Variants in ETS1 observed in about 807,000 individuals in gnomAD.
ETS1 encodes ETS proto-oncogene 1, transcription factor, also known as protein C-ets-1.
Under a neutral mutation model 58.6 loss-of-function variants are expected in ETS1, and 15 were observed. That is an observed-to-expected ratio of 0.26 (90% CI 0.17 to 0.39). The LOEUF is 0.39. Ranked by LOEUF, ETS1 falls within the 10% of genes least tolerant of loss-of-function variation. ETS1 has a pLI of 1.00. For missense variants in ETS1, 417 were observed against 610.5 expected (o/e 0.68, Z 3.34); for synonymous variants, 214 against 218.2 (o/e 0.98, Z 0.17).
intron 3 of ETS1, among the ~76,000 whole-genome samples, chr11:128,527,633 A>G (rs1487724256): frequency 2.0e-5 from 3 of 152,224 alleles, no homozygotes; most frequent in African/African-American, 7.2e-5. Context: ...GCAATAGCAC[A>G]GATGGCAAGA....
chr11:128,544,340 AATATATATATATAT>A (rs10542616), intron 3 of ETS1, among the ~76,000 whole-genome samples: 10 of 117,088 alleles, frequency 8.5e-5, no homozygotes, highest in Non-Finnish European at 1.4e-4. Flanking sequence ...ATTGTTTACT[AATATATATATATAT>A]ATATATATAT....
intron 3 of ETS1, among the ~76,000 whole-genome samples, chr11:128,554,930 G>T (rs186730996): frequency 2.6e-5 from 4 of 152,132 alleles, no homozygotes; most frequent in Admixed American, 6.5e-5. Context: ...TAAGTCTGAC[G>T]TGTGAGCAGG....
In ETS1 at chr11:128,565,275, G is replaced by A. The variant is rs12420715; in HGVS notation, c.69+7787C>T. ...TCCCTTCCGCCACTGAGGACACAGC[G>A]TTCATCCCCTCTAGAGAATGCAGCA... On this transcript the variant is annotated intron_variant, in intron 2 of 9. Coordinates refer to ENST00000392668, the MANE Select transcript of ETS1 (RefSeq NM_001143820.2). 4.4e-3 allele frequency among the ~76,000 whole-genome samples: 677 copies of A among 152,268 alleles called. 3 individuals carry two copies. The highest frequency in any genetic ancestry group is 0.011 in the Admixed American group (175 of 15,304).
At chr11:128,511,609 G>C (rs1863394256) in intron 3 of ETS1, among the ~76,000 whole-genome samples, 1 of 152,200 alleles carries the variant, frequency 6.6e-6, no homozygotes, top group African/African-American at 2.4e-5. Flanking sequence ...AGCTATGTGG[G>C]ACTTGTTATA....
At chr11:128,527,877 A>T (rs2135527551) in intron 3 of ETS1, among the ~76,000 whole-genome samples, 1 of 152,330 alleles carries the variant, frequency 6.6e-6, no homozygotes, top group Middle Eastern at 3.4e-3. Flanking sequence ...CATTAAGACA[A>T]TTTCACTGTG....
intron 2 of ETS1, among the ~76,000 whole-genome samples, chr11:128,559,681 GC>G (rs1260825066): frequency 6.6e-6 from 1 of 152,104 alleles, no homozygotes; most frequent in African/African-American, 2.4e-5. Flanking sequence ...CTAGACACCT[GC>G]CTGTTTATTA....
At chr11:128,522,240 C>T in intron 3 of ETS1, 1 of 1,201,420 alleles carries the variant, frequency 8.3e-7, no homozygotes, top group South Asian at 2.6e-5. Context: ...CGCGCCGCGC[C>T]CGCTCCTCCT....
intron 3 of ETS1, among the ~76,000 whole-genome samples, chr11:128,493,015 G>T (rs1862844118): frequency 6.6e-6 from 1 of 152,150 alleles, no homozygotes; most frequent in Non-Finnish European, 1.5e-5. Context: ...TGTTGTGTGT[G>T]TTTGTTCCCT....
intron 3 of ETS1, among the ~76,000 whole-genome samples, chr11:128,516,880 T>C (rs1863539578): frequency 6.6e-6 from 1 of 152,146 alleles, no homozygotes; most frequent in Non-Finnish European, 1.5e-5. Context: ...ATCCTGATTA[T>C]GAGAGATTCA....
At chr11:128,517,126 A>G (rs1476842768) in intron 3 of ETS1, among the ~76,000 whole-genome samples, 5 of 152,182 alleles carry the variant, frequency 3.3e-5, no homozygotes, top group Non-Finnish European at 5.9e-5. Context: ...AGGCCTGGGG[A>G]CAACCCACAG....
At chr11:128,574,425 T>G (rs1376037493) in intron 1 of ETS1, among the ~76,000 whole-genome samples, 2 of 152,186 alleles carry the variant, frequency 1.3e-5, no homozygotes. Flanking sequence ...TGTCCTTTAG[T>G]TTTTTAGGAA....
intron 7 of ETS1, among the ~76,000 whole-genome samples, chr11:128,483,178 A>G (rs1354105669): frequency 6.6e-6 from 1 of 152,198 alleles, no homozygotes; most frequent in Admixed American, 6.5e-5. Context: ...AGAAGAGTGG[A>G]GCCAGAAAGA....
intron 2 of ETS1, among the ~76,000 whole-genome samples, chr11:128,558,214 A>G (rs964723502): frequency 2.0e-5 from 3 of 152,210 alleles, no homozygotes; most frequent in African/African-American, 7.2e-5. Flanking sequence ...TCGAAGGCTA[A>G]CATCCTTAGC....
chr11:128,541,912 T>G (rs1864063529), intron 3 of ETS1, among the ~76,000 whole-genome samples: 1 of 152,198 alleles, frequency 6.6e-6, no homozygotes, highest in Admixed American at 6.5e-5. Flanking sequence ...ACACAGGTAT[T>G]GATTATAATA....
chr11:128,532,455 C>G (rs1333980367), intron 3 of ETS1, among the ~76,000 whole-genome samples: 1 of 152,226 alleles, frequency 6.6e-6, no homozygotes, highest in South Asian at 2.1e-4. Flanking sequence ...AGTCTTCTCG[C>G]TAGTTGCCCG....
intron 2 of ETS1, among the ~76,000 whole-genome samples, chr11:128,562,725 C>A (rs1026078564): frequency 6.6e-6 from 1 of 152,158 alleles, no homozygotes; most frequent in Admixed American, 6.5e-5. Flanking sequence ...CCACCTGGGC[C>A]GACCACCACC....
intron 1 of ETS1, among the ~76,000 whole-genome samples, chr11:128,586,992 A>C (rs973794757): frequency 6.6e-6 from 1 of 152,194 alleles, no homozygotes; most frequent in Non-Finnish European, 1.5e-5. Flanking sequence ...AACACCAAAC[A>C]GGCTAGTTTG....
chr11:128,554,823 A>G (rs745886672), intron 3 of ETS1, among the ~76,000 whole-genome samples: 1 of 152,118 alleles, frequency 6.6e-6, no homozygotes, highest in African/African-American at 2.4e-5. Flanking sequence ...TACAAATATA[A>G]ATACAGCCAT....
chr11:128,513,110 A>C (rs1863434101), intron 3 of ETS1, among the ~76,000 whole-genome samples: 1 of 152,110 alleles, frequency 6.6e-6, no homozygotes, highest in Non-Finnish European at 1.5e-5. Flanking sequence ...GGCTGGCAAC[A>C]ATTTCTAACA....
Sources: allele counts gnomAD v4.1 joint callset (sites outside exome capture counted in the v4.1 genomes callset), GRCh38; gene constraint gnomAD v4.1.1; transcripts MANE v1.5; gene names NCBI Gene and HGNC (gene_info 2026-07-23, HGNC 2026-07-21).